Variants in METTL25 observed in about 807,000 individuals in gnomAD.
The protein encoded by METTL25 is probable methyltransferase-like protein 25.
In METTL25, 64 loss-of-function variants were observed where a neutral mutation model predicts 71.6. The observed-to-expected ratio is 0.89, with a 90% confidence interval of 0.73 to 1.10. METTL25 has a LOEUF of 1.10. METTL25 is among the 50% of genes least tolerant of loss of function. The pLI is 0.00. For missense variants in METTL25, 807 were observed against 707.0 expected, an observed-to-expected ratio of 1.14 and a Z score of -1.60; for synonymous variants, 287 against 250.3, an observed-to-expected ratio of 1.15 and a Z score of -1.38.
intron 2 of METTL25, among the ~76,000 whole-genome samples, chr12:82,388,000 T>C (rs1885214202): frequency 6.6e-6 from 1 of 152,112 alleles, no homozygotes; most frequent in Admixed American, 6.6e-5. Flanking sequence ...CATTTAGTTG[T>C]CATGTCTATT....
chr12:82,392,885 T>C (rs1466968490), intron 3 of METTL25, among the ~76,000 whole-genome samples: 1 of 152,020 alleles, frequency 6.6e-6, no homozygotes, highest in Non-Finnish European at 1.5e-5. Flanking sequence ...CTGAAGAGAC[T>C]GTGCTTACCC....
At chr12:82,373,407 T>C (rs1208268617) in intron 1 of METTL25, among the ~76,000 whole-genome samples, 5 of 152,180 alleles carry the variant, frequency 3.3e-5, no homozygotes, top group Non-Finnish European at 5.9e-5. Flanking sequence ...AAATTATGTC[T>C]TTCTGATTGG....
intron 4 of METTL25, 108 bp downstream of exon 4, chr12:82,399,502 G>A: frequency 1.1e-6 from 1 of 884,700 alleles, no homozygotes; most frequent in Non-Finnish European, 1.7e-6. Flanking sequence ...TAATCTAACA[G>A]ACCAAGAAAA....
intron 1 of METTL25, among the ~76,000 whole-genome samples, chr12:82,375,810 C>G (rs1883788825): frequency 6.6e-6 from 1 of 152,152 alleles, no homozygotes; most frequent in African/African-American, 2.4e-5. Flanking sequence ...AAGAATAGAT[C>G]AGTGGAATTT....
chr12:82,410,930 A>G (rs1232707362), intron 5 of METTL25, among the ~76,000 whole-genome samples: 1 of 152,106 alleles, frequency 6.6e-6, no homozygotes, highest in Non-Finnish European at 1.5e-5. Context: ...TACTTCTTAA[A>G]TTCAGGCTCT....
At chr12:82,372,058 C>T (rs989189906) in intron 1 of METTL25, among the ~76,000 whole-genome samples, 9 of 152,134 alleles carry the variant, frequency 5.9e-5, no homozygotes, top group African/African-American at 7.2e-5. Flanking sequence ...TCCAAACTCT[C>T]GTGCTGCAGC....
At chr12:82,378,910 T>C (rs1172910342) in intron 1 of METTL25, among the ~76,000 whole-genome samples, 1 of 152,074 alleles carries the variant, frequency 6.6e-6, no homozygotes, top group East Asian at 1.9e-4. Flanking sequence ...GTGCATGCCC[T>C]TATCCCAGCT....
intron 6 of METTL25, among the ~76,000 whole-genome samples, chr12:82,432,095 G>GTAAAA (rs1389779860): frequency 1.3e-5 from 2 of 151,424 alleles, no homozygotes; most frequent in African/African-American, 4.8e-5. Context: ...ATTTAACAAA[G>GTAAAA]TAAAATAAAA....
intron 8 of METTL25, among the ~76,000 whole-genome samples, chr12:82,450,115 C>T (rs1006541772): frequency 6.6e-6 from 1 of 152,082 alleles, no homozygotes; most frequent in Non-Finnish European, 1.5e-5. Context: ...ACTCACCTTT[C>T]ACTCTTGTTC....
intron 6 of METTL25, among the ~76,000 whole-genome samples, 184 bp from the exon 7 acceptor site, chr12:82,434,511 T>C (rs1592717899): frequency 6.6e-6 from 1 of 151,514 alleles, no homozygotes; most frequent in Middle Eastern, 3.2e-3. Flanking sequence ...AAATTAGCTC[T>C]AAATTACACA....
At chr12:82,386,488 T>TTCTTCCCTCCCA (rs1555204654) in intron 1 of METTL25, among the ~76,000 whole-genome samples, 1 of 131,192 alleles carries the variant, frequency 7.6e-6, no homozygotes, top group African/African-American at 2.9e-5. Context: ...CCTCCTTTCC[T>TTCTTCCCTCCCA]TCCTCCCTCC....
At chr12:82,421,588 A>G (rs1283016841) in intron 5 of METTL25, among the ~76,000 whole-genome samples, 1 of 152,132 alleles carries the variant, frequency 6.6e-6, no homozygotes, top group Admixed American at 6.6e-5. Context: ...GAATTGAAGG[A>G]GATAGAGAAG....
intron 3 of METTL25, among the ~76,000 whole-genome samples, chr12:82,398,558 C>CT (rs1314899238): frequency 6.6e-6 from 1 of 151,998 alleles, no homozygotes; most frequent in Non-Finnish European, 1.5e-5. Context: ...GACAGTTTTC[C>CT]TTTTTCCCTT....
At chr12:82,361,078 C>T (rs556812282) in intron 1 of METTL25, among the ~76,000 whole-genome samples, 30 of 151,950 alleles carry the variant, frequency 2.0e-4, no homozygotes, top group Middle Eastern at 3.4e-3. Flanking sequence ...CTTTTATTCT[C>T]TTATCTGACC....
In METTL25 at chr12:82,361,080, T is replaced by C. The variant is rs571843272; in HGVS notation, c.259+2256T>C. On this transcript the variant is annotated intron_variant, in intron 1 of 11. Coordinates refer to ENST00000248306, the MANE Select transcript of METTL25 (RefSeq NM_032230.3). ...CGCCAGCAGTCTGCTTTTATTCTCT[T>C]ATCTGACCCCACCCACATCCTGCCG... is the stretch of plus-strand genomic sequence containing the variant. Among the ~76,000 whole-genome samples, 5 of 151,976 alleles carry C rather than the reference T, an allele frequency of 3.3e-5. 1 individual carries two copies. Among genetic ancestry groups the C allele is most frequent in the African/African-American group, 1.2e-4 (5 of 41,282 alleles).
intron 1 of METTL25, among the ~76,000 whole-genome samples, chr12:82,361,131 T>C (rs1008912199): frequency 6.6e-6 from 1 of 152,148 alleles, no homozygotes; most frequent in Non-Finnish European, 1.5e-5. Context: ...AGAGAGCTGA[T>C]TGGTCCATTT....
At chr12:82,405,698 C>G (rs976460253) in intron 5 of METTL25, among the ~76,000 whole-genome samples, 2 of 152,046 alleles carry the variant, frequency 1.3e-5, no homozygotes, top group Non-Finnish European at 2.9e-5. Context: ...TTTGAAAAAC[C>G]TAAAGGAAGA....
chr12:82,400,444 A>G (rs1446927605), intron 4 of METTL25, among the ~76,000 whole-genome samples: 2 of 152,114 alleles, frequency 1.3e-5, no homozygotes, highest in South Asian at 2.1e-4. Flanking sequence ...CATTTTTTAA[A>G]TGGGAAATTT....
Position 82,411,555 on chromosome 12 carries a change from GA to G in METTL25, c.1279+8434del, listed in dbSNP as rs1039386561. On this transcript the variant is annotated intron_variant, in intron 5 of 11. Coordinates refer to ENST00000248306, the MANE Select transcript of METTL25 (RefSeq NM_032230.3). ...TATGAAATAAAATTATAAATGGTAA[GA>G]AAAAAAAAGCACTGATTCAGCACTG... Among the ~76,000 whole-genome samples, 7 of 150,042 alleles carry G rather than the reference GA, an allele frequency of 4.7e-5. No homozygotes were observed. The South Asian group carries it at 8.4e-4, about 18-fold the overall frequency.
Sources: allele counts gnomAD v4.1 joint callset (sites outside exome capture counted in the v4.1 genomes callset), GRCh38; gene constraint gnomAD v4.1.1; transcripts MANE v1.5; gene names NCBI Gene and HGNC (gene_info 2026-07-23, HGNC 2026-07-21).